ZNF362: variants seen among roughly 807,000 people sequenced by gnomAD.
ZNF362 encodes the protein zinc finger protein 362.
Under a neutral mutation model 42.9 loss-of-function variants are expected in ZNF362, and 11 were observed. The ratio of observed to expected loss-of-function variants is 0.26; its 90% CI spans 0.16 to 0.42. The LOEUF is 0.42. Among genes scored for constraint, ZNF362 ranks in the 20% least tolerant of loss-of-function variants. The probability of loss-of-function intolerance (pLI) is 1.00; values close to 1 mark genes in which losing one functional copy is unlikely to be tolerated. For missense variants in ZNF362, 362 were observed against 576.2 expected, an observed-to-expected ratio of 0.63 and a Z score of 3.81; for synonymous variants, 255 against 257.3, an observed-to-expected ratio of 0.99 and a Z score of 0.09.
chr1:33,271,000 C>T lies in ZNF362; in HGVS notation c.38+388C>T, dbSNP rs527510082. ...GCCTCCAGCTTCAGGCCTCTTTGGC[C>T]GCTCTCCTCCCTGGCCCAGGCGCAG... On this transcript the variant is annotated intron_variant, in intron 2 of 8. Transcript: ENST00000539719. 1.3e-4 allele frequency among the ~76,000 whole-genome samples: 20 copies of T among 152,268 alleles called. No homozygotes were observed. In the South Asian group the frequency reaches 2.1e-3, roughly 16 times the overall value.
At chr1:33,287,240 C>T (rs974969752) in intron 6 of ZNF362, among the ~76,000 whole-genome samples, 1 of 152,198 alleles carries the variant, frequency 6.6e-6, no homozygotes, top group African/African-American at 2.4e-5. Flanking sequence ...TCGTCTGTAC[C>T]TGCAGATATC....
rs201856122 is a variant in ZNF362 at position 33,262,297 on chromosome 1, C to T, written c.-89+5643C>T. On this transcript the variant is annotated intron_variant, in intron 1 of 8. Coordinates refer to ENST00000539719, the MANE Select transcript of ZNF362 (RefSeq NM_152493.3). ...AACTTTGGGCAAAGGCTTTAGGATT[C>T]TTTTTTTTTTTTTTTTTTTTTTTTT... 9.9e-3 allele frequency among the ~76,000 whole-genome samples: 478 copies of T among 48,202 alleles called. 10 individuals carry two copies. Among genetic ancestry groups the T allele is most frequent in the African/African-American group, 0.032 (382 of 11,826 alleles). The allele number at this position is 48,202 out of a possible 152,430, so 31.6% of individuals were successfully genotyped here.
chr1:33,244,015 G>C, the ZNF362 span, among the ~76,000 whole-genome samples: 1 of 152,198 alleles, frequency 6.6e-6, no homozygotes, highest in African/African-American at 2.4e-5. The surrounding 1 kb of genome is among the most constrained non-coding windows in gnomAD (Gnocchi z 4.0). Context: ...TTTGGAGACT[G>C]ATGAAAGAAT....
intron 1 of ZNF362, among the ~76,000 whole-genome samples, chr1:33,258,249 G>A (rs1386508297): frequency 1.3e-5 from 2 of 152,140 alleles, no homozygotes; most frequent in Non-Finnish European, 2.9e-5. Flanking sequence ...GGCTGCCGAG[G>A]GGGATCTGAA....
At chr1:33,131,284 C>T in the ZNF362 span, among the ~76,000 whole-genome samples, 2 of 152,236 alleles carry the variant, frequency 1.3e-5, no homozygotes, top group African/African-American at 4.8e-5. Context: ...GTGCTAGGCA[C>T]TGGGGACAAA....
At chr1:33,151,511 A>G in the ZNF362 span, among the ~76,000 whole-genome samples, 7 of 152,252 alleles carry the variant, frequency 4.6e-5, no homozygotes, top group South Asian at 1.2e-3. Flanking sequence ...AAAGGGACCT[A>G]GAAGGGGCAT....
At chr1:33,207,149 G>A in the ZNF362 span, among the ~76,000 whole-genome samples, 2 of 147,660 alleles carry the variant, frequency 1.4e-5, no homozygotes, top group African/African-American at 5.1e-5. Context: ...CCCTCCCTGT[G>A]TCCATGTGTT....
the ZNF362 span, among the ~76,000 whole-genome samples, chr1:33,198,564 G>A: frequency 6.6e-6 from 1 of 152,096 alleles, no homozygotes; most frequent in Non-Finnish European, 1.5e-5. Context: ...CTACTTAGGA[G>A]GCTGAGGTGG....
chr1:33,212,545 C>T, the ZNF362 span, among the ~76,000 whole-genome samples: 1,381 of 152,122 alleles, frequency 9.1e-3, 22 homozygotes, highest in African/African-American at 0.031. Flanking sequence ...GGAAGCATGG[C>T]GCTAGGCATC....
At chr1:33,208,415 C>T in the ZNF362 span, among the ~76,000 whole-genome samples, 3 of 152,010 alleles carry the variant, frequency 2.0e-5, no homozygotes, top group African/African-American at 7.2e-5. Context: ...TCTGTGGGCT[C>T]TTTTTTTGTT....
chr1:33,227,400 C>A, the ZNF362 span, among the ~76,000 whole-genome samples: 9 of 152,122 alleles, frequency 5.9e-5, no homozygotes, highest in Non-Finnish European at 1.0e-4. Flanking sequence ...GACACTGACT[C>A]TTTAGATGTT....
the ZNF362 span, among the ~76,000 whole-genome samples, chr1:33,209,333 T>A: frequency 1.3e-5 from 2 of 152,228 alleles, no homozygotes; most frequent in Non-Finnish European, 2.9e-5. Context: ...AGTATTTTAT[T>A]AAGGATTTTT....
the ZNF362 span, among the ~76,000 whole-genome samples, chr1:33,192,601 T>C: frequency 8.5e-5 from 13 of 152,172 alleles, no homozygotes; most frequent in African/African-American, 2.7e-4. Flanking sequence ...AGGGAGACTC[T>C]GGGAAATGGT....
At chr1:33,283,997 C>G (rs1462653243) in intron 6 of ZNF362, among the ~76,000 whole-genome samples, 1 of 152,202 alleles carries the variant, frequency 6.6e-6, no homozygotes, top group African/African-American at 2.4e-5. Context: ...TGTAAGGCCT[C>G]CAGGCCAGAA....
chr1:33,129,422 G>C, the ZNF362 span, among the ~76,000 whole-genome samples: 1 of 152,188 alleles, frequency 6.6e-6, no homozygotes, highest in African/African-American at 2.4e-5. This position sits in a 1 kb window ranked among gnomAD's most constrained non-coding sequence, Gnocchi z 4.1. Flanking sequence ...TACACAGACT[G>C]TCTTTGGGTC....
the ZNF362 span, chr1:33,163,004 T>A: frequency 6.6e-6 from 1 of 152,134 alleles, no homozygotes; most frequent in Admixed American, 6.6e-5. Context: ...TGGGACGATT[T>A]TTTTTCTTTC....
chr1:33,213,465 C>A, the ZNF362 span, among the ~76,000 whole-genome samples: 1 of 152,054 alleles, frequency 6.6e-6, no homozygotes, highest in Non-Finnish European at 1.5e-5. Flanking sequence ...GTAAAGTGAA[C>A]AAAGAAGCTG....
the ZNF362 span, among the ~76,000 whole-genome samples, chr1:33,202,086 AT>A: frequency 1.3e-5 from 2 of 152,244 alleles, no homozygotes; most frequent in Admixed American, 6.5e-5. Context: ...AATAACCTGA[AT>A]AGCCCTCAAA....
chr1:33,250,679 C>G, the ZNF362 span, among the ~76,000 whole-genome samples: 1 of 151,632 alleles, frequency 6.6e-6, no homozygotes, highest in African/African-American at 2.4e-5. Flanking sequence ...AGCAAACCAC[C>G]ATGGCACACA....
Sources: allele counts gnomAD v4.1 joint callset (sites outside exome capture counted in the v4.1 genomes callset), GRCh38; gene constraint gnomAD v4.1.1; non-coding constraint Gnocchi (gnomAD v3.1); transcripts MANE v1.5; gene names NCBI Gene and HGNC (gene_info 2026-07-23, HGNC 2026-07-21).